AP1B1: variants seen among roughly 807,000 people sequenced by gnomAD.
AP1B1 encodes the protein AP-1 complex subunit beta-1.
A neutral mutation model predicts 104.3 loss-of-function variants in AP1B1; 36 were observed. The ratio of observed to expected loss-of-function variants is 0.35; its 90% CI spans 0.26 to 0.46. The LOEUF (loss-of-function observed/expected upper bound fraction) is 0.46. Among genes scored for constraint, AP1B1 ranks in the 20% least tolerant of loss-of-function variants. AP1B1 has a pLI of 1.00. For synonymous variants in AP1B1, 504 were observed against 517.5 expected (o/e 0.97, Z 0.35); for missense variants, 901 against 1,247.9 (o/e 0.72, Z 4.19).
intron 7 of AP1B1, among the ~76,000 whole-genome samples, chr22:29,354,265 T>C (rs1190961484): frequency 6.6e-6 from 1 of 152,226 alleles, no homozygotes; most frequent in African/African-American, 2.4e-5. Context: ...AATATCTAGT[T>C]TAATCACCAA....
chr22:29,346,587 C>T (rs556263639), intron 11 of AP1B1, among the ~76,000 whole-genome samples: 2 of 152,306 alleles, frequency 1.3e-5, no homozygotes, highest in East Asian at 1.9e-4. Flanking sequence ...CTTGCTTGCC[C>T]GCCGCTCACC....
chr22:29,378,344 C>T (rs893932336), intron 1 of AP1B1, among the ~76,000 whole-genome samples: 3 of 151,802 alleles, frequency 2.0e-5, no homozygotes, highest in African/African-American at 7.3e-5. Flanking sequence ...ATCTCTTGAG[C>T]GCAGGAGTTC....
At position 29,358,902 on chromosome 22, in the gene AP1B1, T is replaced by C; in HGVS notation, c.349A>G (p.Lys117Glu). Residue 117 changes from lysine to glutamate, a missense_variant, in exon 5 of 23, where the codon AAG (lysine) becomes GAG (glutamate). Transcript: ENST00000357586. The stretch of plus-strand genomic sequence containing the variant: ...GGCTCGCACAGGTACTCTGTGATCT[T>C]GTCAACGCGGATGCAGCCCATGGTC... ...VRTMGCIRVD[K>E]ITEYLCEPLR... is the part of the protein sequence containing the mutation. The C allele has an allele frequency of 1.2e-6, 2 of 1,613,474 alleles. No homozygotes were observed. Among genetic ancestry groups the C allele is most frequent in the South Asian group, 1.1e-5 (1 of 90,970 alleles).
At chr22:29,340,920 A>G in intron 13 of AP1B1, 63 bp from the exon 14 acceptor site, 3 of 1,498,486 alleles carry the variant, frequency 2.0e-6, no homozygotes, top group Non-Finnish European at 2.7e-6. Flanking sequence ...AAGAGACCCC[A>G]GCCTCCAGGC....
At chr22:29,343,573 G>A (rs1033821141) in intron 11 of AP1B1, among the ~76,000 whole-genome samples, 1 of 152,218 alleles carries the variant, frequency 6.6e-6, no homozygotes, top group African/African-American at 2.4e-5. Context: ...ATGGGAAGCC[G>A]TTTACCCCCA....
intron 6 of AP1B1, among the ~76,000 whole-genome samples, chr22:29,356,198 A>G (rs2061954970): frequency 6.6e-6 from 1 of 152,214 alleles, no homozygotes; most frequent in Non-Finnish European, 1.5e-5. Flanking sequence ...TGCCAGCTCC[A>G]AGGCCAGGCC....
chr22:29,331,356 G>T, intron 19 of AP1B1, 93 bp downstream of exon 19: 2 of 1,233,682 alleles, frequency 1.6e-6, no homozygotes, highest in African/African-American at 1.5e-5. Flanking sequence ...GGGCAAGGCA[G>T]TCCATCTGGA....
At chr22:29,387,737 G>T (rs1444741328) in intron 1 of AP1B1, among the ~76,000 whole-genome samples, 1 of 152,188 alleles carries the variant, frequency 6.6e-6, no homozygotes, top group East Asian at 1.9e-4. Flanking sequence ...TTACATGTGG[G>T]ATTTAACCTC....
chr22:29,330,027 T>C, intron 21 of AP1B1: 2 of 1,408,676 alleles, frequency 1.4e-6, no homozygotes, highest in African/African-American at 2.9e-5. Flanking sequence ...TGGGAACCAC[T>C]GTCCTCCCAG....
chr22:29,356,419 C>G lies in AP1B1; in HGVS notation c.716+7G>C. ...CTGGGCTGGCAAGCAACGGGCAGCC[C>G]GCTCACCTCTGGGCCTCGCGGTCGT... On this transcript the variant is annotated splice_region_variant and intron_variant, in intron 6 of 22. Coordinates refer to ENST00000357586, the MANE Select transcript of AP1B1 (RefSeq NM_001127.4). 6.2e-7 allele frequency: 1 copy of G among 1,603,934 alleles called. No homozygotes were observed. Among genetic ancestry groups the G allele is most frequent in the Non-Finnish European group, 8.5e-7 (1 of 1,172,298 alleles).
chr22:29,365,493 A>C (rs940159318), intron 2 of AP1B1, among the ~76,000 whole-genome samples: 9 of 152,222 alleles, frequency 5.9e-5, no homozygotes, highest in East Asian at 3.9e-4. Context: ...GTCTCAAAAA[A>C]AAACAAACAA....
intron 1 of AP1B1, among the ~76,000 whole-genome samples, chr22:29,372,400 C>A (rs865774766): frequency 7.1e-6 from 1 of 140,684 alleles, no homozygotes; most frequent in Non-Finnish European, 1.5e-5. Flanking sequence ...CTCCAGCCTG[C>A]GCAACAAGAA....
At chr22:29,341,881 G>A (rs946134246) in intron 12 of AP1B1, 121 bp from the exon 13 acceptor site, 8 of 1,192,234 alleles carry the variant, frequency 6.7e-6, no homozygotes, top group Non-Finnish European at 9.2e-6. Context: ...GCAGTCCTGA[G>A]TGCTCCCATG....
intron 16 of AP1B1, among the ~76,000 whole-genome samples, chr22:29,338,280 A>C (rs2061666191): frequency 6.6e-6 from 1 of 152,070 alleles, no homozygotes; most frequent in Non-Finnish European, 1.5e-5. Flanking sequence ...TCTTTATCTT[A>C]CTCCAAACCT....
intron 7 of AP1B1, among the ~76,000 whole-genome samples, chr22:29,353,294 C>A (rs551112841): frequency 2.0e-5 from 3 of 152,210 alleles, no homozygotes; most frequent in African/African-American, 7.2e-5. Flanking sequence ...AAGCAAGGAG[C>A]CTTTGTCGTG....
chr22:29,364,802 G>A (rs928487542), intron 2 of AP1B1, among the ~76,000 whole-genome samples: 2 of 151,552 alleles, frequency 1.3e-5, no homozygotes, highest in African/African-American at 2.4e-5. Context: ...TCCGCCTCCC[G>A]GGTTCAAGCA....
chr22:29,368,466 T>TAA (rs1183552512), intron 1 of AP1B1, among the ~76,000 whole-genome samples: 1 of 152,192 alleles, frequency 6.6e-6, no homozygotes, highest in African/African-American at 2.4e-5. Flanking sequence ...CCTAGATACA[T>TAA]TTATTAAGAA....
chr22:29,353,614 C>A (rs1223545707), intron 7 of AP1B1, among the ~76,000 whole-genome samples: 1 of 152,166 alleles, frequency 6.6e-6, no homozygotes, highest in Non-Finnish European at 1.5e-5. Flanking sequence ...CCCATATTTA[C>A]CTCCCTAATA....
intron 17 of AP1B1, 23 bp downstream of exon 17, chr22:29,334,242 C>A (rs372698927): frequency 6.4e-7 from 1 of 1,568,754 alleles, no homozygotes. Flanking sequence ...TTGAGAGGTG[C>A]GCTGGCCTCA....
Sources: allele counts gnomAD v4.1 joint callset (sites outside exome capture counted in the v4.1 genomes callset), GRCh38; gene constraint gnomAD v4.1.1; transcripts MANE v1.5; gene names NCBI Gene and HGNC (gene_info 2026-07-23, HGNC 2026-07-21).